SLC39A11: variants seen among roughly 807,000 people sequenced by gnomAD.
SLC39A11 encodes solute carrier family 39 member 11.
In SLC39A11, 33 loss-of-function variants were observed where a neutral mutation model predicts 36.1. The observed-to-expected ratio is 0.91, with a 90% CI of 0.69 to 1.22. The LOEUF (loss-of-function observed/expected upper bound fraction) is 1.22, where lower values mean the gene tolerates loss of function less well. SLC39A11 is among the 50% of genes most tolerant of loss of function. SLC39A11 has a pLI of 0.00. For synonymous variants in SLC39A11, 166 were observed against 170.3 expected (o/e 0.97, Z 0.20); for missense variants, 432 against 430.3 (o/e 1.00, Z -0.03).
At chr17:73,012,421 C>G (rs1029107434) in intron 4 of SLC39A11, among the ~76,000 whole-genome samples, 2 of 152,122 alleles carry the variant, frequency 1.3e-5, no homozygotes, top group Non-Finnish European at 2.9e-5. Flanking sequence ...ACACCTACTA[C>G]GCAGCCACAA....
rs556011696 is a variant in SLC39A11, at chr17:72,910,895, C to T, written c.430+36857G>A. On this transcript the variant is annotated intron_variant, in intron 5 of 9. Transcript: ENST00000255559. ...TGAGCCAAGATCACACCACTGTACTCCAGCCTGGGCAACAGAGCAAGACTC... is the reference window on the plus strand; with the variant it reads ...TGAGCCAAGATCACACCACTGTACTTCAGCCTGGGCAACAGAGCAAGACTC... Among the ~76,000 whole-genome samples, 221 of 149,106 alleles carry T rather than the reference C, an allele frequency of 1.5e-3. 2 individuals carry two copies. Among genetic ancestry groups the T allele is most frequent in the South Asian group, 6.3e-3 (29 of 4,608 alleles).
chr17:72,870,830 T>G (rs2080574745), intron 5 of SLC39A11, among the ~76,000 whole-genome samples: 1 of 152,210 alleles, frequency 6.6e-6, no homozygotes, highest in Non-Finnish European at 1.5e-5. Context: ...GCTGCCGCAA[T>G]GTTAAGGGCC....
chr17:72,998,907 G>T (rs1274343114), intron 4 of SLC39A11, among the ~76,000 whole-genome samples: 11 of 152,232 alleles, frequency 7.2e-5, no homozygotes, highest in Non-Finnish European at 2.9e-5. Context: ...GGTCAGATGA[G>T]AAAGGCAGCA....
At chr17:72,919,392 G>C (rs2147229830) in intron 5 of SLC39A11, among the ~76,000 whole-genome samples, 1 of 152,238 alleles carries the variant, frequency 6.6e-6, no homozygotes, top group Non-Finnish European at 1.5e-5. Context: ...AAGAGAAAGG[G>C]AGAGAACTTG....
chr17:72,704,083 A>G (rs760100829), intron 7 of SLC39A11, among the ~76,000 whole-genome samples: 1 of 152,238 alleles, frequency 6.6e-6, no homozygotes, highest in Non-Finnish European at 1.5e-5. Context: ...AGCTGCGATC[A>G]TGCCACTGTA....
chr17:72,750,507 ATT>A (rs34117065), intron 6 of SLC39A11, among the ~76,000 whole-genome samples: 13 of 149,030 alleles, frequency 8.7e-5, no homozygotes, highest in East Asian at 2.0e-4. Flanking sequence ...GGAGGAAAGG[ATT>A]TTTTTTTTTT....
chr17:72,720,168 C>T (rs1418441935), intron 7 of SLC39A11, among the ~76,000 whole-genome samples: 1 of 152,138 alleles, frequency 6.6e-6, no homozygotes, highest in Non-Finnish European at 1.5e-5. Flanking sequence ...GAGAGAAAAA[C>T]ACCACACAAC....
At chr17:72,847,777 T>G (rs1217197813) in intron 6 of SLC39A11, among the ~76,000 whole-genome samples, 1 of 152,194 alleles carries the variant, frequency 6.6e-6, no homozygotes, top group Non-Finnish European at 1.5e-5. Flanking sequence ...TTGGCCATGC[T>G]TTTTGCTTCC....
chr17:72,780,525 G>GGGGT (rs1555670210), intron 6 of SLC39A11, among the ~76,000 whole-genome samples: 2 of 122,962 alleles, frequency 1.6e-5, no homozygotes, highest in Admixed American at 1.6e-4. Context: ...GAAGATGGGG[G>GGGGT]GCGGGTGGGG....
intron 6 of SLC39A11, among the ~76,000 whole-genome samples, chr17:72,793,282 G>A (rs2076777797): frequency 6.6e-6 from 1 of 152,060 alleles, no homozygotes. Context: ...AGATTCCCAG[G>A]GTGCCATGCA....
rs59543378 is a variant in SLC39A11, at chr17:73,004,232, AAAAG to A, written c.306+27320_306+27323del. On this transcript the variant is annotated intron_variant, in intron 4 of 9. Coordinates refer to ENST00000255559, the MANE Select transcript of SLC39A11 (RefSeq NM_139177.4). ...GAAAGAAAGAAAGAAAGAAAGAAAG[AAAAG>A]AAAGAAAGAGAAAAAGCAAGCAAGC... Among the ~76,000 whole-genome samples the A allele has an allele frequency of 3.5e-4, 31 of 88,712 alleles. 2 individuals are homozygous for A. The East Asian group carries it at 8.6e-3, about 25-fold the overall frequency. 58.2% of individuals were successfully genotyped at this position (88,712 alleles called of 152,430 possible). A position where few individuals can be genotyped will look rare whatever the true frequency, so the allele number is the denominator to read the frequency against.
At chr17:72,656,530 G>T (rs56186709) in intron 7 of SLC39A11, among the ~76,000 whole-genome samples, 1 of 151,954 alleles carries the variant, frequency 6.6e-6, no homozygotes, top group Non-Finnish European at 1.5e-5. Context: ...GGAGACGGGG[G>T]AGGCGGGAAG....
intron 4 of SLC39A11, among the ~76,000 whole-genome samples, chr17:72,986,360 C>G (rs2088756401): frequency 6.6e-6 from 1 of 152,174 alleles, no homozygotes; most frequent in African/African-American, 2.4e-5. Context: ...GTTGCCAAGC[C>G]TGGCCATGCA....
chr17:72,752,328 T>G (rs2075185958), intron 6 of SLC39A11, among the ~76,000 whole-genome samples: 1 of 152,154 alleles, frequency 6.6e-6, no homozygotes, highest in Admixed American at 6.5e-5. Context: ...TACTGCAGCC[T>G]CCGCCTCCCG....
At chr17:72,735,190 G>C (rs2074374300) in intron 7 of SLC39A11, among the ~76,000 whole-genome samples, 1 of 152,170 alleles carries the variant, frequency 6.6e-6, no homozygotes, top group African/African-American at 2.4e-5. Context: ...GAACATTCCA[G>C]CCCATGCACA....
chr17:72,849,516 C>A, intron 6 of SLC39A11, 118 bp downstream of exon 6: 1 of 1,051,088 alleles, frequency 9.5e-7, no homozygotes, highest in South Asian at 2.4e-5. Flanking sequence ...CACCTTCACT[C>A]CTCTCCAAAA....
chr17:72,894,479 T>C (rs2081930393), intron 5 of SLC39A11, among the ~76,000 whole-genome samples: 1 of 128,086 alleles, frequency 7.8e-6, no homozygotes, highest in Non-Finnish European at 1.6e-5. Flanking sequence ...CTGGCTAACA[T>C]GGTGAAACCT....
chr17:72,856,799 G>T (rs1758057451), intron 5 of SLC39A11, among the ~76,000 whole-genome samples: 2 of 152,002 alleles, frequency 1.3e-5, no homozygotes, highest in Admixed American at 1.3e-4. Flanking sequence ...TCCTGCTTCG[G>T]CCTCCAGAGT....
intron 3 of SLC39A11, 56 bp downstream of exon 3, chr17:73,084,752 C>CTG: frequency 6.3e-7 from 1 of 1,589,656 alleles, no homozygotes; most frequent in Non-Finnish European, 8.6e-7. Flanking sequence ...CCTTGGCAGA[C>CTG]ACATGTCAGA....
Sources: gnomAD v4.1 joint callset for allele counts (sites outside exome capture counted in the v4.1 genomes callset) on GRCh38, gnomAD v4.1.1 for gene constraint, MANE v1.5 for transcripts, NCBI Gene and HGNC (gene_info 2026-07-23, HGNC 2026-07-21) for gene names.